The following KIF14 variants were observed in gnomAD, a reference collection of about 807,000 sequenced individuals.
KIF14 encodes the protein kinesin-like protein KIF14.
In KIF14, 98 loss-of-function variants were observed where a neutral mutation model predicts 176.2. That is an observed-to-expected ratio of 0.56 (90% CI 0.47 to 0.66). The LOEUF (loss-of-function observed/expected upper bound fraction) is 0.66, where lower values mean the gene tolerates loss of function less well. Among genes scored for constraint, KIF14 ranks in the 30% least tolerant of loss-of-function variants. KIF14 has a pLI of 0.00. For synonymous variants in KIF14, 566 were observed against 632.2 expected (o/e 0.90, Z 1.57); for missense variants, 1,751 against 1,920.4 (o/e 0.91, Z 1.65).
intron 20 of KIF14, 68 bp downstream of exon 20, chr1:200,581,133 A>AAAAT: frequency 2.6e-6 from 2 of 774,802 alleles, no homozygotes; most frequent in Non-Finnish European, 4.1e-6. Flanking sequence ...AAAAAAAAAA[A>AAAAT]GAGAAACTAA....
In KIF14 at chr1:200,552,065, C is replaced by T. The variant is rs1187280068; in HGVS notation, c.*1323G>A. ...TCAGATTTATTCATGGTACGAATGG[C>T]CAATTTCAACTAGTTATGCCAAATG... On this transcript the variant is annotated 3_prime_UTR_variant, in exon 30 of 30. Transcript: ENST00000367350. 6.6e-6 allele frequency: 1 copy of T among 152,074 alleles called. No individual in the cohort carries two copies. Among genetic ancestry groups the T allele is most frequent in the East Asian group, 1.9e-4 (1 of 5,200 alleles). 9.4% of individuals were successfully genotyped at this position (152,074 alleles called of 1,614,324 possible).
At chr1:200,590,294 AT>A in intron 16 of KIF14, 22 bp from the exon 17 acceptor site, 26 of 1,601,530 alleles carry the variant, frequency 1.6e-5, no homozygotes, top group Non-Finnish European at 2.0e-5. Context: ...CAAGATGTTT[AT>A]AGGGTACATG....
chr1:200,601,108 C>T (rs1254887302), intron 11 of KIF14, among the ~76,000 whole-genome samples: 1 of 152,152 alleles, frequency 6.6e-6, no homozygotes, highest in Non-Finnish European at 1.5e-5. Flanking sequence ...GTCTCGAACT[C>T]CTGACCTTAA....
chr1:200,610,796 G>C (rs1170010971), intron 4 of KIF14, among the ~76,000 whole-genome samples: 1 of 152,032 alleles, frequency 6.6e-6, no homozygotes, highest in Non-Finnish European at 1.5e-5. Flanking sequence ...TGACTAATCA[G>C]AAAAGGGAAA....
rs867097254 is a variant in KIF14, at chr1:200,568,941, T to C, written c.3661+970A>G. Among the ~76,000 whole-genome samples the C allele has an allele frequency of 2.3e-5, 3 of 129,382 alleles. No homozygotes were observed. The South Asian group carries it at 7.4e-4, about 32-fold the overall frequency. The allele number at this position is 129,382 out of a possible 152,430, so 84.9% of individuals were successfully genotyped here. A position where few individuals can be genotyped will look rare whatever the true frequency, so the allele number is the denominator to read the frequency against. ...TAGTAATTTTTTTTTTTTTTTTTTTTTGAGATGGAGTTTCACTCTTGTTGC... is the reference window on the plus strand; with the variant it reads ...TAGTAATTTTTTTTTTTTTTTTTTTCTGAGATGGAGTTTCACTCTTGTTGC... On this transcript the variant is annotated intron_variant, in intron 23 of 29. Coordinates refer to ENST00000367350, the MANE Select transcript of KIF14 (RefSeq NM_014875.3).
At chr1:200,565,797 G>A (rs1657416284) in intron 23 of KIF14, 128 bp from the exon 24 acceptor site, 1 of 635,360 alleles carries the variant, frequency 1.6e-6, no homozygotes, top group Admixed American at 3.4e-5. Context: ...AAGCATTTTT[G>A]TGTTCACTGT....
chr1:200,574,638 A>AAAACC (rs1657994768), intron 22 of KIF14, among the ~76,000 whole-genome samples: 1 of 152,214 alleles, frequency 6.6e-6, no homozygotes, highest in Non-Finnish European at 1.5e-5. Context: ...TACTTGCTTA[A>AAAACC]AAACCAAACC....
rs966647898 is a variant in KIF14, at chr1:200,620,552, G to A, written c.-257C>T. 4.7e-5 allele frequency: 7 copies of A among 149,744 alleles called. No individual in the cohort carries two copies. Among genetic ancestry groups the A allele is most frequent in the Non-Finnish European group, 1.0e-4 (7 of 68,124 alleles). 9.3% of individuals were successfully genotyped at this position (149,744 alleles called of 1,614,324 possible). On this transcript the variant is annotated 5_prime_UTR_variant, in exon 1 of 30. Transcript: ENST00000367350. ...CCCTTCGCCGCCGACCTGGAATGCT[G>A]AGGAACTGAATGGGGGACTGGAGCT...
At chr1:200,587,796 T>A (rs949633449) in intron 18 of KIF14, among the ~76,000 whole-genome samples, 1 of 152,092 alleles carries the variant, frequency 6.6e-6, no homozygotes, top group Non-Finnish European at 1.5e-5. Flanking sequence ...GCAACAAGAA[T>A]GAAACTCCGT....
chr1:200,590,125 C>T lies in KIF14; in HGVS notation c.2961G>A (p.Leu987=). 3 of 1,598,630 alleles carry T rather than the reference C, an allele frequency of 1.9e-6. No individual in the cohort carries two copies. Among genetic ancestry groups the T allele is most frequent in the South Asian group, 1.1e-5 (1 of 88,540 alleles). ...AAATAAAACTAATTCTGCCTTTTAC[C>T]AGTTCTGCTTCCAGTGCTTTTATTT... ...ESKIKALEAE[L]REESQRKKMQ... Residue 987 remains leucine, a splice_region_variant and synonymous_variant, in exon 17 of 30, where the codon CTG becomes CTA. Transcript: ENST00000367350.
chr1:200,572,423 C>A (rs549906240), intron 22 of KIF14, among the ~76,000 whole-genome samples: 3 of 152,262 alleles, frequency 2.0e-5, no homozygotes, highest in Admixed American at 1.3e-4. Flanking sequence ...TGGCTCACTG[C>A]AAGCTCTGCC....
chr1:200,553,277 T>C lies in KIF14; in HGVS notation c.*111A>G. On this transcript the variant is annotated 3_prime_UTR_variant, in exon 30 of 30. Transcript: ENST00000367350. Reference sequence around the variant, plus strand: ...TTTAAAGATAAAAAGACATGGACTTTTTTGAAATATCTGTGCTGATTTCTC... The same window carrying C: ...TTTAAAGATAAAAAGACATGGACTTCTTTGAAATATCTGTGCTGATTTCTC... The C allele has an allele frequency of 8.6e-7, 1 of 1,160,366 alleles. No individual in the cohort carries two copies. The allele number at this position is 1,160,366 out of a possible 1,614,324, so 71.9% of individuals were successfully genotyped here.
intron 1 of KIF14, 34 bp from the exon 2 acceptor site, chr1:200,618,872 A>G: frequency 1.6e-6 from 1 of 625,734 alleles, no homozygotes; most frequent in South Asian, 2.3e-5. Flanking sequence ...GATCACACAG[A>G]CTACAAACAA....
intron 25 of KIF14, among the ~76,000 whole-genome samples, chr1:200,562,594 C>T (rs1006662458): frequency 6.6e-6 from 1 of 152,192 alleles, no homozygotes; most frequent in Non-Finnish European, 1.5e-5. Context: ...AATCTGAGAG[C>T]CAACTAAGCA....
intron 23 of KIF14, among the ~76,000 whole-genome samples, chr1:200,568,125 AC>A (rs1467970117): frequency 6.6e-6 from 1 of 152,046 alleles, no homozygotes; most frequent in Non-Finnish European, 1.5e-5. Context: ...ACAGCCCCTC[AC>A]CCCCAGGCCT....
chr1:200,576,477 C>CAAAAAAAAAAA (rs34294441), intron 21 of KIF14, among the ~76,000 whole-genome samples: 1 of 87,490 alleles, frequency 1.1e-5, no homozygotes, highest in Non-Finnish European at 2.5e-5. Context: ...GACTCCGTCT[C>CAAAAAAAAAAA]AAAAAAAAAA....
rs576241463 is a variant in KIF14, at chr1:200,572,623, A to G, written c.3567-2618T>C. ...CTCCCAAAGTGCTGGGATTACAAGCATGAGCCACTGCACCCAGCCCCGGTA... is the reference window on the plus strand; with the variant it reads ...CTCCCAAAGTGCTGGGATTACAAGCGTGAGCCACTGCACCCAGCCCCGGTA... On this transcript the variant is annotated intron_variant, in intron 22 of 29. Coordinates refer to ENST00000367350, the MANE Select transcript of KIF14 (RefSeq NM_014875.3). 2.1e-4 allele frequency among the ~76,000 whole-genome samples: 32 copies of G among 152,316 alleles called. No homozygotes were observed. The East Asian group carries it at 3.5e-3, about 17-fold the overall frequency.
chr1:200,552,045 T>C lies in KIF14; in HGVS notation c.*1343A>G, dbSNP rs1413546536. 1.3e-5 allele frequency: 2 copies of C among 152,250 alleles called. No individual in the cohort carries two copies. The highest frequency in any genetic ancestry group is 2.4e-5 in the African/African-American group (1 of 41,460). 9.4% of individuals were successfully genotyped at this position (152,250 alleles called of 1,614,324 possible). A position where few individuals can be genotyped will look rare whatever the true frequency, so the allele number is the denominator to read the frequency against. Reference sequence around the variant, plus strand: ...TCTTCCTAACAAGGAAACTATCAGATTTATTCATGGTACGAATGGCCAATT... The same window carrying C: ...TCTTCCTAACAAGGAAACTATCAGACTTATTCATGGTACGAATGGCCAATT... On this transcript the variant is annotated 3_prime_UTR_variant, in exon 30 of 30. Coordinates refer to ENST00000367350, the MANE Select transcript of KIF14 (RefSeq NM_014875.3).
chr1:200,618,577 A>G lies in KIF14; in HGVS notation c.147T>C (p.Asn49=), dbSNP rs778984453. Reference sequence around the variant, plus strand: ...CTGCAGATCTCAATAATGGATCATCATTTTCACATTCTGACATATCCGACT... The same window carrying G: ...CTGCAGATCTCAATAATGGATCATCGTTTTCACATTCTGACATATCCGACT... ...HLKSDMSECE[N]DDPLLRSAGK... The change falls in exon 2 of 30, where the codon AAT becomes AAC. Residue 49 remains asparagine (N), a synonymous_variant. Coordinates refer to ENST00000367350, the MANE Select transcript of KIF14 (RefSeq NM_014875.3). The G allele has an allele frequency of 6.2e-7, 1 of 1,614,096 alleles. No individual in the cohort carries two copies. The highest frequency in any genetic ancestry group is 8.5e-7 in the Non-Finnish European group (1 of 1,180,014).
Sources: allele counts gnomAD v4.1 joint callset (sites outside exome capture counted in the v4.1 genomes callset), GRCh38; gene constraint gnomAD v4.1.1; transcripts MANE v1.5; gene names NCBI Gene and HGNC (gene_info 2026-07-23, HGNC 2026-07-21).